KCNQ5: variants seen among roughly 807,000 people sequenced by gnomAD.
The protein encoded by KCNQ5 is potassium voltage-gated channel subfamily KQT member 5.
KCNQ5 carries 30 observed loss-of-function variants against 98.2 expected under a neutral mutation model. That is an observed-to-expected ratio of 0.31 (90% CI 0.23 to 0.41). The LOEUF is 0.41. Among genes scored for constraint, KCNQ5 ranks in the 10% least tolerant of loss-of-function variants. The probability of loss-of-function intolerance (pLI) is 1.00; values close to 1 mark genes in which losing one functional copy is unlikely to be tolerated. For missense variants in KCNQ5, 835 were observed against 1,182.5 expected (o/e 0.71, Z 4.31); for synonymous variants, 458 against 449.4 (o/e 1.02, Z -0.24).
intron 1 of KCNQ5, among the ~76,000 whole-genome samples, chr6:72,712,088 A>G (rs967205787): frequency 6.6e-6 from 1 of 152,216 alleles, no homozygotes; most frequent in Non-Finnish European, 1.5e-5. Context: ...ATTCAAATGC[A>G]TGGAACAGTG....
At chr6:72,845,305 C>A (rs1562020446) in intron 1 of KCNQ5, among the ~76,000 whole-genome samples, 1 of 152,074 alleles carries the variant, frequency 6.6e-6, no homozygotes, top group Non-Finnish European at 1.5e-5. Context: ...TAAGATAGAG[C>A]ATCACCAACC....
chr6:72,790,483 G>C (rs1186257574), intron 1 of KCNQ5, among the ~76,000 whole-genome samples: 1 of 152,202 alleles, frequency 6.6e-6, no homozygotes, highest in Non-Finnish European at 1.5e-5. Flanking sequence ...AGAATAAAAG[G>C]ATAGTTACCA....
chr6:72,829,676 T>G (rs1373304889), intron 1 of KCNQ5, among the ~76,000 whole-genome samples: 3 of 152,176 alleles, frequency 2.0e-5, no homozygotes, highest in Non-Finnish European at 2.9e-5. Context: ...GTAGATGCCA[T>G]AGAGGTTCTA....
chr6:72,861,962 G>T (rs571171540), intron 1 of KCNQ5, among the ~76,000 whole-genome samples: 1 of 151,822 alleles, frequency 6.6e-6, no homozygotes, highest in Non-Finnish European at 1.5e-5. Context: ...CCTTTTTCCT[G>T]CCCTCTGCCA....
At chr6:73,065,871 G>T (rs1045462895) in intron 3 of KCNQ5, among the ~76,000 whole-genome samples, 1 of 152,252 alleles carries the variant, frequency 6.6e-6, no homozygotes, top group East Asian at 1.9e-4. Flanking sequence ...AAACGGCCGG[G>T]CTCAGTGGCT....
chr6:73,187,435 ACTC>A (rs67371551), intron 11 of KCNQ5, among the ~76,000 whole-genome samples: 45,026 of 151,898 alleles, frequency 0.3, 7,000 homozygotes, highest in Middle Eastern at 0.45. Context: ...CACTGCACAT[ACTC>A]CTCTTTTCTA....
At chr6:73,098,523 C>T (rs957624075) in intron 5 of KCNQ5, among the ~76,000 whole-genome samples, 4 of 152,132 alleles carry the variant, frequency 2.6e-5, no homozygotes, top group East Asian at 1.9e-4. Context: ...AAATAAATAA[C>T]GTGCAATGGA....
chr6:73,133,301 C>T (rs901533078), intron 9 of KCNQ5, 120 bp from the exon 10 acceptor site: 18 of 784,036 alleles, frequency 2.3e-5, no homozygotes, highest in African/African-American at 1.6e-4. Flanking sequence ...TATGCTCCTA[C>T]GTGCTGAAAA....
At chr6:72,993,995 C>G (rs1267441500) in intron 1 of KCNQ5, among the ~76,000 whole-genome samples, 2 of 80,052 alleles carry the variant, frequency 2.5e-5, no homozygotes, top group African/African-American at 1.3e-4. Context: ...CAGGGACCCA[C>G]TTGAGGAGGC....
chr6:73,011,602 A>C (rs1161335987), intron 2 of KCNQ5, among the ~76,000 whole-genome samples: 3 of 152,150 alleles, frequency 2.0e-5, no homozygotes, highest in Non-Finnish European at 4.4e-5. Flanking sequence ...AGGCAACAAA[A>C]GAAAAAAACA....
intron 1 of KCNQ5, among the ~76,000 whole-genome samples, chr6:72,850,764 G>T (rs1328914542): frequency 6.6e-6 from 1 of 151,838 alleles, no homozygotes; most frequent in Non-Finnish European, 1.5e-5. Context: ...GATAGCTGGT[G>T]TGTGCTTTAT....
At chr6:72,712,371 GAAGT>G (rs1307528919) in intron 1 of KCNQ5, among the ~76,000 whole-genome samples, 2 of 152,198 alleles carry the variant, frequency 1.3e-5, no homozygotes, top group East Asian at 3.9e-4. Context: ...TATACACTCT[GAAGT>G]GAGTAGCATG....
intron 1 of KCNQ5, among the ~76,000 whole-genome samples, chr6:72,774,608 A>AACACAC (rs150113759): frequency 6.7e-5 from 10 of 149,622 alleles, no homozygotes; most frequent in African/African-American, 2.4e-4. Context: ...CCAGTATATA[A>AACACAC]ACACACACAC....
chr6:72,643,485 A>G (rs371406155), intron 1 of KCNQ5, among the ~76,000 whole-genome samples: 1 of 152,166 alleles, frequency 6.6e-6, no homozygotes, highest in Admixed American at 6.5e-5. Context: ...GTACAGATTG[A>G]GTATCCTTAA....
At chr6:73,046,611 C>CTGTTTTATTT (rs759105407) in intron 3 of KCNQ5, among the ~76,000 whole-genome samples, 46 of 128,322 alleles carry the variant, frequency 3.6e-4, no homozygotes, top group Non-Finnish European at 5.4e-4. Flanking sequence ...TTATTTTATT[C>CTGTTTTATTT]TATTTTATTT....
chr6:73,146,733 G>T (rs985940778), intron 10 of KCNQ5, among the ~76,000 whole-genome samples: 3 of 151,270 alleles, frequency 2.0e-5, no homozygotes, highest in African/African-American at 7.3e-5. Flanking sequence ...CAGGTGTGGA[G>T]CAGTGACTAT....
At chr6:73,136,839 C>T (rs1413377081) in intron 10 of KCNQ5, 1 of 152,144 alleles carries the variant, frequency 6.6e-6, no homozygotes, top group African/African-American at 2.4e-5. Flanking sequence ...CTAAAATCAT[C>T]TACTTACTAC....
chr6:72,792,315 G>GT (rs1347898173), intron 1 of KCNQ5, among the ~76,000 whole-genome samples: 1 of 152,030 alleles, frequency 6.6e-6, no homozygotes, highest in Non-Finnish European at 1.5e-5. Flanking sequence ...CAAGCTTCTT[G>GT]TTTTTTCTGC....
At chr6:73,147,904 T>A (rs1157357951) in intron 10 of KCNQ5, among the ~76,000 whole-genome samples, 2 of 152,136 alleles carry the variant, frequency 1.3e-5, no homozygotes, top group Non-Finnish European at 2.9e-5. Flanking sequence ...AAGTGAGTAT[T>A]TGAGTGACTC....
Sources: gnomAD v4.1 joint callset for allele counts (sites outside exome capture counted in the v4.1 genomes callset) on GRCh38, gnomAD v4.1.1 for gene constraint, MANE v1.5 for transcripts, NCBI Gene and HGNC (gene_info 2026-07-23, HGNC 2026-07-21) for gene names.